The following CLGN variants were observed in gnomAD, a reference collection of about 807,000 sequenced individuals.
CLGN encodes testis tissue sperm-binding protein Li 79P.
Under a neutral mutation model 79.1 loss-of-function variants are expected in CLGN, and 62 were observed. The observed-to-expected ratio is 0.78, with a 90% CI of 0.64 to 0.97. The LOEUF (loss-of-function observed/expected upper bound fraction) is 0.97. Ranked by LOEUF, CLGN falls within the 50% of genes least tolerant of loss-of-function variation. CLGN has a pLI of 0.00. For synonymous variants in CLGN, 225 were observed against 224.7 expected (o/e 1.00, Z -0.01); for missense variants, 647 against 715.5 (o/e 0.90, Z 1.09).
intron 1 of CLGN, among the ~76,000 whole-genome samples, chr4:140,419,958 T>C (rs1272299623): frequency 2.0e-5 from 3 of 152,186 alleles, no homozygotes; most frequent in African/African-American, 7.2e-5. Context: ...CTAAGGGCCT[T>C]CCATGTTACA....
At chr4:140,401,318 C>A (rs188871384) in intron 6 of CLGN, among the ~76,000 whole-genome samples, 1 of 152,110 alleles carries the variant, frequency 6.6e-6, no homozygotes, top group Non-Finnish European at 1.5e-5. Context: ...CTCCAATGGC[C>A]TCTCCTTCAC....
At chr4:140,413,853 C>A (rs1319772085) in intron 1 of CLGN, among the ~76,000 whole-genome samples, 1 of 152,274 alleles carries the variant, frequency 6.6e-6, no homozygotes, top group African/African-American at 2.4e-5. Flanking sequence ...GCGGAGCCCA[C>A]CACAGCTCAA....
rs35231826 is a variant in CLGN, at chr4:140,397,458, G to GT, written c.885-1254dup. Among the ~76,000 whole-genome samples the GT allele has an allele frequency of 7.3e-3, 1,040 of 142,286 alleles. 16 individuals are homozygous for GT. Among genetic ancestry groups the GT allele is most frequent in the African/African-American group, 0.018 (690 of 39,272 alleles). The allele number at this position is 142,286 out of a possible 152,430, so 93.3% of individuals were successfully genotyped here. A position where few individuals can be genotyped will look rare whatever the true frequency, so the allele number is the denominator to read the frequency against. ...GTGTTTTTTGAAATAGTTTAGGGAG[G>GT]TTTTTTTTTTTGCAATATACAAATC... On this transcript the variant is annotated intron_variant, in intron 8 of 14. Transcript: ENST00000325617.
intron 6 of CLGN, among the ~76,000 whole-genome samples, chr4:140,401,784 A>G (rs1729004818): frequency 6.6e-6 from 1 of 152,166 alleles, no homozygotes; most frequent in African/African-American, 2.4e-5. Context: ...GTTAAAGATT[A>G]TAAAATTGAT....
At chr4:140,402,144 C>A in intron 5 of CLGN, 78 bp from the exon 6 acceptor site, 1 of 728,148 alleles carries the variant, frequency 1.4e-6, no homozygotes, top group South Asian at 2.1e-5. Flanking sequence ...TCTTATTATT[C>A]TCAATTCATG....
At chr4:140,405,853 C>T in intron 5 of CLGN, 89 bp downstream of exon 5, 1 of 1,313,776 alleles carries the variant, frequency 7.6e-7, no homozygotes, top group Non-Finnish European at 1.0e-6. Context: ...TCTAGATTTT[C>T]ACATCCATTT....
At chr4:140,401,903 C>A in intron 6 of CLGN, 82 bp downstream of exon 6, 1 of 756,806 alleles carries the variant, frequency 1.3e-6, no homozygotes, top group South Asian at 1.8e-5. Context: ...CAGTTGAAGA[C>A]AAAATATTCA....
At chr4:140,416,088 C>T (rs1336298522) in intron 1 of CLGN, among the ~76,000 whole-genome samples, 4 of 68,688 alleles carry the variant, frequency 5.8e-5, no homozygotes, top group African/African-American at 2.2e-4. Context: ...GAACAACCTG[C>T]TCCTGAATGA....
chr4:140,427,106 G>C (rs528806298), intron 1 of CLGN, among the ~76,000 whole-genome samples: 2 of 38,172 alleles, frequency 5.2e-5, no homozygotes, highest in Non-Finnish European at 1.5e-4. Flanking sequence ...TACAACCATT[G>C]GGAGAGCGCC....
At chr4:140,411,133 T>C (rs1239936691) in intron 2 of CLGN, among the ~76,000 whole-genome samples, 4 of 152,046 alleles carry the variant, frequency 2.6e-5, no homozygotes, top group Non-Finnish European at 5.9e-5. Context: ...TCAAGTGCCT[T>C]TGAAGTGTTA....
At chr4:140,404,234 C>A (rs1160494941) in intron 5 of CLGN, among the ~76,000 whole-genome samples, 1 of 151,984 alleles carries the variant, frequency 6.6e-6, no homozygotes, top group South Asian at 2.1e-4. Context: ...GCTGGGGCTA[C>A]AGGCGCCTGC....
chr4:140,425,644 T>G (rs1177951492), intron 1 of CLGN, among the ~76,000 whole-genome samples: 3 of 138,780 alleles, frequency 2.2e-5, no homozygotes, highest in Non-Finnish European at 4.6e-5. Flanking sequence ...TTTTTTTTTT[T>G]TTGAGATGGA....
chr4:140,421,069 A>G (rs936287042), intron 1 of CLGN, among the ~76,000 whole-genome samples: 1 of 152,090 alleles, frequency 6.6e-6, no homozygotes, highest in Admixed American at 6.6e-5. Context: ...TCTTTCTGTA[A>G]CTGGCTTATT....
In CLGN at chr4:140,413,638, G is replaced by A. The variant is rs543738103; in HGVS notation, c.-9-551C>T. ...CGGGTCACTCCCACCGGAATACTGC[G>A]CTTTTCCAACAGGCTTAAAAAACGG... is the stretch of plus-strand genomic sequence containing the variant. On this transcript the variant is annotated intron_variant, in intron 1 of 14. Coordinates refer to ENST00000325617, the MANE Select transcript of CLGN (RefSeq NM_004362.3). 5.5e-4 allele frequency among the ~76,000 whole-genome samples: 84 copies of A among 152,328 alleles called. 1 individual carries two copies. The highest frequency in any genetic ancestry group is 1.1e-3 in the Non-Finnish European group (76 of 68,026).
chr4:140,402,897 A>C (rs766908604), intron 5 of CLGN, among the ~76,000 whole-genome samples: 10 of 152,218 alleles, frequency 6.6e-5, no homozygotes, highest in Non-Finnish European at 1.5e-4. Context: ...TAAATCAAAA[A>C]GACATGAAAA....
chr4:140,390,404 C>T (rs981437240), intron 14 of CLGN, among the ~76,000 whole-genome samples: 17 of 151,604 alleles, frequency 1.1e-4, no homozygotes, highest in South Asian at 2.1e-4. Context: ...ATATTTTGTA[C>T]GCCACAGGCT....
At chr4:140,423,713 T>C (rs1389702700) in intron 1 of CLGN, among the ~76,000 whole-genome samples, 1 of 152,202 alleles carries the variant, frequency 6.6e-6, no homozygotes, top group South Asian at 2.1e-4. Flanking sequence ...CAGTTACAGG[T>C]CTGTTCAGAT....
rs1171052150 is a variant in CLGN, at chr4:140,389,134, A to G, written c.*90T>C. The G allele has an allele frequency of 6.6e-6, 6 of 904,502 alleles. No homozygotes were observed. The highest frequency in any genetic ancestry group is 1.1e-5 in the Non-Finnish European group (6 of 549,194). The allele number at this position is 904,502 out of a possible 1,614,324, so 56.0% of individuals were successfully genotyped here. On this transcript the variant is annotated 3_prime_UTR_variant, in exon 15 of 15. Transcript: ENST00000325617. Reference sequence around the variant, plus strand: ...AATGTTGCTAGATATTAGAAACAGGATGTGCAGACTGATTAAAGTTCAGGT... The same window carrying G: ...AATGTTGCTAGATATTAGAAACAGGGTGTGCAGACTGATTAAAGTTCAGGT...
chr4:140,389,124 T>C lies in CLGN; in HGVS notation c.*100A>G. ...GAAAGAATATAATGTTGCTAGATAT[T>C]AGAAACAGGATGTGCAGACTGATTA... On this transcript the variant is annotated 3_prime_UTR_variant, in exon 15 of 15. Transcript: ENST00000325617. 1 of 860,892 alleles carries C rather than the reference T, an allele frequency of 1.2e-6. No homozygotes were observed. The highest frequency in any genetic ancestry group is 2.5e-5 in the East Asian group (1 of 40,028). 53.3% of individuals were successfully genotyped at this position (860,892 alleles called of 1,614,324 possible).
Sources: gnomAD v4.1 joint callset for allele counts (sites outside exome capture counted in the v4.1 genomes callset) on GRCh38, gnomAD v4.1.1 for gene constraint, MANE v1.5 for transcripts, NCBI Gene and HGNC (gene_info 2026-07-23, HGNC 2026-07-21) for gene names.